ZNF462: variants seen among roughly 807,000 people sequenced by gnomAD.
ZNF462 encodes the protein zinc finger PBX1-interacting protein.
Under a neutral mutation model 201.9 loss-of-function variants are expected in ZNF462, and 10 were observed. The observed-to-expected ratio is 0.05, with a 90% CI of 0.03 to 0.08. The LOEUF is 0.08. Ranked by LOEUF, ZNF462 falls within the 10% of genes least tolerant of loss-of-function variation. The pLI is 1.00. For synonymous variants in ZNF462, 1,227 were observed against 1,193.3 expected (o/e 1.03, Z -0.58); for missense variants, 2,523 against 3,168.3 (o/e 0.80, Z 4.89).
intron 9 of ZNF462, chr9:106,979,234 A>C (rs547574920): frequency 8.4e-5 from 13 of 154,270 alleles, no homozygotes; most frequent in Non-Finnish European, 1.7e-4. Flanking sequence ...ATGCAGGCCA[A>C]CAATCTTCTT....
At position 106,923,438 on chromosome 9, in the gene ZNF462, C is replaced by T. The variant is rs1830064027; in HGVS notation, c.55C>T (p.Leu19Phe). 1 of 1,614,210 alleles carries T rather than the reference C, an allele frequency of 6.2e-7. No individual in the cohort carries two copies. Among genetic ancestry groups the T allele is most frequent in the African/African-American group, 1.3e-5 (1 of 75,060 alleles). Reference sequence around the variant, plus strand: ...TTTCCGAGCCCCGTCTTATGAAGATCTCAAGGCACACATTCAGGATGTCCA... The same window carrying T: ...TTTCCGAGCCCCGTCTTATGAAGATTTCAAGGCACACATTCAGGATGTCCA... ...CDFRAPSYED[L>F]KAHIQDVHTA... Residue 19 changes from leucine to phenylalanine, a missense_variant, in exon 2 of 13, where the codon CTC (leucine) becomes TTC (phenylalanine). By Grantham distance (22) the Leu-to-Phe change is conservative (BLOSUM62 0). Coordinates refer to ENST00000277225, the MANE Select transcript of ZNF462 (RefSeq NM_021224.6). The surrounding 1 kb of genome is among the most constrained non-coding windows in gnomAD (Gnocchi z 5.6).
intron 1 of ZNF462, among the ~76,000 whole-genome samples, chr9:106,877,823 G>T (rs139640536): frequency 2.0e-5 from 3 of 152,190 alleles, no homozygotes; most frequent in Admixed American, 2.0e-4. Context: ...AGAGATTTTT[G>T]GTCTTCAAAG....
chr9:106,862,721 G>C (rs545409693), upstream of ZNF462, among the ~76,000 whole-genome samples: 8 of 152,212 alleles, frequency 5.3e-5, no homozygotes, highest in South Asian at 2.1e-4. The surrounding 1 kb of genome is among the most constrained non-coding windows in gnomAD (Gnocchi z 4.2). Flanking sequence ...GGTTCAGCAG[G>C]GGGGAGGGGG....
In ZNF462 at chr9:107,005,846, A is replaced by G. The variant is rs558834426; in HGVS notation, c.7189+2420A>G. ...ATATTCAAGTTTTTAATTCATTTTG[A>G]GACGATTTTTGTATCTGGTGTGAGA... is the stretch of plus-strand genomic sequence containing the variant. On this transcript the variant is annotated intron_variant, in intron 11 of 12. Coordinates refer to ENST00000277225, the MANE Select transcript of ZNF462 (RefSeq NM_021224.6). This position sits in a 1 kb window ranked among gnomAD's most constrained non-coding sequence, Gnocchi z 4.4. Among the ~76,000 whole-genome samples the G allele has an allele frequency of 6.6e-6, 1 of 152,284 alleles. No individual in the cohort carries two copies. The highest frequency in any genetic ancestry group is 2.4e-5 in the African/African-American group (1 of 41,554).
In ZNF462 at chr9:106,919,850, G is replaced by A. The variant is rs1455415116; in HGVS notation, c.-30-3504G>A. ...CTTGAAGGGCCTAGACATATATCTG[G>A]GGTAGAAGACAGGGATGCTTGTTTG... On this transcript the variant is annotated intron_variant, in intron 1 of 12. Coordinates refer to ENST00000277225, the MANE Select transcript of ZNF462 (RefSeq NM_021224.6). This position sits in a 1 kb window ranked among gnomAD's most constrained non-coding sequence, Gnocchi z 4.5. Among the ~76,000 whole-genome samples the A allele has an allele frequency of 2.0e-5, 3 of 152,136 alleles. No individual in the cohort carries two copies. Among genetic ancestry groups the A allele is most frequent in the Non-Finnish European group, 4.4e-5 (3 of 68,036 alleles).
chr9:106,962,631 T>C lies in ZNF462; in HGVS notation c.6428-9374T>C, dbSNP rs1436744043. Among the ~76,000 whole-genome samples the C allele has an allele frequency of 6.6e-6, 1 of 152,050 alleles. No homozygotes were observed. Among genetic ancestry groups the C allele is most frequent in the Non-Finnish European group, 1.5e-5 (1 of 67,980 alleles). ...ATGTTTGTATCATTTTGCAGGCTAA[T>C]ATTTTGTTTTGTTTTGTTTTCTCAA... On this transcript the variant is annotated intron_variant, in intron 7 of 12. Transcript: ENST00000277225. This position sits in a 1 kb window ranked among gnomAD's most constrained non-coding sequence, Gnocchi z 4.6.
At chr9:106,965,412 G>A (rs1043808174) in intron 7 of ZNF462, among the ~76,000 whole-genome samples, 17 of 151,984 alleles carry the variant, frequency 1.1e-4, no homozygotes, top group Admixed American at 5.3e-4. Flanking sequence ...GAAACACCAG[G>A]TAGGAGACTT....
chr9:106,925,680 C>A lies in ZNF462; in HGVS notation c.1768C>A (p.Pro590Thr). 6.2e-7 allele frequency: 1 copy of A among 1,614,152 alleles called. No homozygotes were observed. The highest frequency in any genetic ancestry group is 8.5e-7 in the Non-Finnish European group (1 of 1,180,034). Residue 590 changes from proline to threonine, a missense_variant, in exon 3 of 13, where the codon CCA (proline) becomes ACA (threonine). Physicochemically the swap from Pro to Thr is conservative, Grantham distance 38. Transcript: ENST00000277225. The surrounding 1 kb of genome is among the most constrained non-coding windows in gnomAD (Gnocchi z 7.9). Reference sequence around the variant, plus strand: ...GCCACCACCAACGCAGCAGCCACAGCCACCCACACAAGCCGCACCTCTGCA... The same window carrying A: ...GCCACCACCAACGCAGCAGCCACAGACACCCACACAAGCCGCACCTCTGCA... ...TQPPPTQQPQ[P>T]PTQAAPLHPY...
At position 107,003,860 on chromosome 9, in the gene ZNF462, G is replaced by T. The variant is rs974112250; in HGVS notation, c.7189+434G>T. The stretch of plus-strand genomic sequence containing the variant: ...GAACTGTAGGGGACGGTGGTGCAAA[G>T]AACTTGAGCCCCTACCCCCTGATGT... On this transcript the variant is annotated intron_variant, in intron 11 of 12. Transcript: ENST00000277225. The surrounding 1 kb of genome is among the most constrained non-coding windows in gnomAD (Gnocchi z 4.4). Among the ~76,000 whole-genome samples the T allele has an allele frequency of 1.3e-5, 2 of 152,028 alleles. No individual in the cohort carries two copies. The highest frequency in any genetic ancestry group is 2.4e-5 in the African/African-American group (1 of 41,414).
At chr9:106,921,762 G>C (rs1830001675) in intron 1 of ZNF462, among the ~76,000 whole-genome samples, 1 of 152,160 alleles carries the variant, frequency 6.6e-6, no homozygotes, top group South Asian at 2.1e-4. Context: ...GGAGAAGTGG[G>C]GTGGGGCCTC....
At position 106,984,308 on chromosome 9, in the gene ZNF462, A is replaced by G; in HGVS notation, c.6955A>G (p.Ile2319Val). 6.2e-7 allele frequency: 1 copy of G among 1,614,120 alleles called. No individual in the cohort carries two copies. Among genetic ancestry groups the G allele is most frequent in the Non-Finnish European group, 8.5e-7 (1 of 1,179,984 alleles). Reference protein sequence around the residue: ...CSSDESLQQHIEKHNELKPYK... With the variant: ...CSSDESLQQHVEKHNELKPYK... Reference sequence around the variant, plus strand: ...CAGTGATGAGAGCCTCCAGCAACATATAGAAAAGCACAATGAACTGAAACC... The same window carrying G: ...CAGTGATGAGAGCCTCCAGCAACATGTAGAAAAGCACAATGAACTGAAACC... The change falls in exon 10 of 13, where the codon ATA becomes GTA. Residue 2319 changes from isoleucine to valine, a missense_variant. Physicochemically the swap from Ile to Val is conservative, Grantham distance 29. Coordinates refer to ENST00000277225, the MANE Select transcript of ZNF462 (RefSeq NM_021224.6). The surrounding 1 kb of genome is among the most constrained non-coding windows in gnomAD (Gnocchi z 6.4).
intron 1 of ZNF462, among the ~76,000 whole-genome samples, chr9:106,897,415 C>T (rs1336155731): frequency 6.6e-6 from 1 of 152,060 alleles, no homozygotes; most frequent in Non-Finnish European, 1.5e-5. Flanking sequence ...ATAACTTTGT[C>T]TACACTGTTG....
In ZNF462 at chr9:107,008,239, G is replaced by A. The variant is rs1829699987; in HGVS notation, c.7190-1306G>A. 6.6e-6 allele frequency among the ~76,000 whole-genome samples: 1 copy of A among 152,214 alleles called. No individual in the cohort carries two copies. Among genetic ancestry groups the A allele is most frequent in the African/African-American group, 2.4e-5 (1 of 41,458 alleles). On this transcript the variant is annotated intron_variant, in intron 11 of 12. Coordinates refer to ENST00000277225, the MANE Select transcript of ZNF462 (RefSeq NM_021224.6). This position sits in a 1 kb window ranked among gnomAD's most constrained non-coding sequence, Gnocchi z 4.8. The stretch of plus-strand genomic sequence containing the variant: ...ATTAATGCGCAGAGCAGATGGTGCT[G>A]TCTCATTTCCAATGAAAAGAATCAA...
chr9:106,939,224 A>G lies in ZNF462; in HGVS notation c.6427+117A>G, dbSNP rs1830761781. The G allele has an allele frequency of 7.1e-6, 8 of 1,120,674 alleles. No homozygotes were observed. In the Admixed American group the frequency reaches 1.1e-4, roughly 16 times the overall value. 69.4% of individuals were successfully genotyped at this position (1,120,674 alleles called of 1,614,324 possible). A position where few individuals can be genotyped will look rare whatever the true frequency, so the allele number is the denominator to read the frequency against. ...TGTGAAAACATGATGGTTCAAGTGA[A>G]GGAAGAAATATGAAAAAGTTGAAAT... On this transcript the variant is annotated intron_variant, in intron 7 of 12. Transcript: ENST00000277225.
intron 1 of ZNF462, among the ~76,000 whole-genome samples, chr9:106,921,246 C>T (rs560218574): frequency 2.6e-5 from 4 of 152,326 alleles, no homozygotes; most frequent in African/African-American, 9.6e-5. Flanking sequence ...GACCAGGGCT[C>T]TGCTGGGACT....
Position 106,928,309 on chromosome 9 carries a change from C to T in ZNF462, c.4397C>T (p.Ser1466Phe), listed in dbSNP as rs761148940. 19 of 1,614,034 alleles carry T rather than the reference C, an allele frequency of 1.2e-5. No homozygotes were observed. Among genetic ancestry groups the T allele is most frequent in the Admixed American group, 6.7e-5 (4 of 59,998 alleles). Residue 1466 changes from serine to phenylalanine, a missense_variant, in exon 3 of 13, where the codon TCC (serine) becomes TTC (phenylalanine). This residue lies in a region of ZNF462 where 165 missense variants were observed against 142.6 expected (regional missense o/e 1.16). Transcript: ENST00000277225. The surrounding 1 kb of genome is among the most constrained non-coding windows in gnomAD (Gnocchi z 9.3). ...LQLASANPAI[S>F]STPYQCTVCQ... Reference sequence around the variant, plus strand: ...CTAGCTTCAGCCAACCCCGCCATATCCTCCACCCCATACCAGTGCACGGTA... The same window carrying T: ...CTAGCTTCAGCCAACCCCGCCATATTCTCCACCCCATACCAGTGCACGGTA...
At chr9:106,997,418 G>A (rs1040198490) in intron 10 of ZNF462, among the ~76,000 whole-genome samples, 1 of 152,106 alleles carries the variant, frequency 6.6e-6, no homozygotes, top group East Asian at 1.9e-4. Flanking sequence ...GCCAAGACAT[G>A]GAAGCAGCCT....
At position 107,003,301 on chromosome 9, in the gene ZNF462, G is replaced by A; in HGVS notation, c.7064G>A (p.Arg2355His). 6.2e-7 allele frequency: 1 copy of A among 1,613,614 alleles called. No individual in the cohort carries two copies. Among genetic ancestry groups the A allele is most frequent in the Non-Finnish European group, 8.5e-7 (1 of 1,179,724 alleles). The change falls in exon 11 of 13, where the codon CGT becomes CAT. Residue 2355 changes from arginine to histidine, a missense_variant. Physicochemically the swap from Arg to His is conservative, Grantham distance 29 (BLOSUM62 0). Coordinates refer to ENST00000277225, the MANE Select transcript of ZNF462 (RefSeq NM_021224.6). This position sits in a 1 kb window ranked among gnomAD's most constrained non-coding sequence, Gnocchi z 4.4. ...SHLRDEHKVS[R>H]NFELVGRVNL... ...TGTTTGGGCCTTTTTCAGGTAAGCC[G>A]TAACTTTGAGCTGGTTGGACGGGTT... is the stretch of plus-strand genomic sequence containing the variant.
At chr9:106,867,741 A>T (rs1827405270) in intron 1 of ZNF462, among the ~76,000 whole-genome samples, 1 of 152,130 alleles carries the variant, frequency 6.6e-6, no homozygotes, top group African/African-American at 2.4e-5. Context: ...TTTCTGTGTG[A>T]TGGAGTTTAA....
Sources: gnomAD v4.1 joint callset for allele counts (sites outside exome capture counted in the v4.1 genomes callset) on GRCh38, gnomAD v4.1.1 for gene constraint, gnomAD v4.1.1 regional missense constraint, Gnocchi (gnomAD v3.1) non-coding constraint, MANE v1.5 for transcripts, NCBI Gene and HGNC (gene_info 2026-07-23, HGNC 2026-07-21) for gene names.